Variants in ST3GAL1 observed in about 807,000 individuals in gnomAD.
ST3GAL1 encodes ST3 beta-galactoside alpha-2,3-sialyltransferase 1.
In ST3GAL1, 16 loss-of-function variants were observed where a neutral mutation model predicts 34.1. The observed-to-expected ratio is 0.47, with a 90% CI of 0.32 to 0.71. The LOEUF (loss-of-function observed/expected upper bound fraction) is 0.71, where lower values mean the gene tolerates loss of function less well. ST3GAL1 is among the 30% of genes least tolerant of loss of function. ST3GAL1 has a pLI of 0.04. For missense variants in ST3GAL1, 353 were observed against 447.4 expected (o/e 0.79, Z 1.90); for synonymous variants, 191 against 184.7 (o/e 1.03, Z -0.28).
At chr8:133,463,295 G>A (rs1277692476) in intron 8 of ST3GAL1, 119 bp downstream of exon 8, 1 of 1,127,718 alleles carries the variant, frequency 8.9e-7, no homozygotes, top group African/African-American at 1.5e-5. Flanking sequence ...AGTGGGAGAT[G>A]CTACCTCCAG....
intron 2 of ST3GAL1, among the ~76,000 whole-genome samples, chr8:133,531,260 C>T (rs914656272): frequency 2.0e-5 from 3 of 152,020 alleles, no homozygotes; most frequent in African/African-American, 7.3e-5. Flanking sequence ...AGTACACACA[C>T]ATATATACTC....
intron 3 of ST3GAL1, among the ~76,000 whole-genome samples, chr8:133,478,195 T>C (rs1323314699): frequency 6.6e-6 from 1 of 152,248 alleles, no homozygotes; most frequent in Admixed American, 6.5e-5. Flanking sequence ...GGAGCAGCTC[T>C]GTAATTTAAG....
At chr8:133,554,725 CT>C (rs1184067089) in intron 1 of ST3GAL1, among the ~76,000 whole-genome samples, 1 of 143,532 alleles carries the variant, frequency 7.0e-6, no homozygotes, top group Admixed American at 6.9e-5. Flanking sequence ...TTCTTTATTT[CT>C]TTTCTTTTTT....
rs1563701129 is a variant in ST3GAL1 at position 133,475,595 on chromosome 8, C to T, written c.306+124G>A. 3.4e-6 allele frequency: 4 copies of T among 1,183,994 alleles called. No individual in the cohort carries two copies. The South Asian group carries it at 6.5e-5, about 19-fold the overall frequency. The allele number at this position is 1,183,994 out of a possible 1,614,324, so 73.3% of individuals were successfully genotyped here. A position where few individuals can be genotyped will look rare whatever the true frequency, so the allele number is the denominator to read the frequency against. ...CTCATTACCAGACCCCTACCCTCAG[C>T]CCAGACTCCCACTTTCAGCCCAGGC... On this transcript the variant is annotated intron_variant, in intron 5 of 9. Transcript: ENST00000522652.
At chr8:133,552,398 C>T (rs906378357) in intron 1 of ST3GAL1, among the ~76,000 whole-genome samples, 2 of 152,230 alleles carry the variant, frequency 1.3e-5, no homozygotes, top group Non-Finnish European at 2.9e-5. Context: ...GACCTAGAAA[C>T]ATCTGGTGTG....
At chr8:133,471,666 T>C (rs752777472) in intron 5 of ST3GAL1, among the ~76,000 whole-genome samples, 4 of 152,116 alleles carry the variant, frequency 2.6e-5, no homozygotes, top group Non-Finnish European at 5.9e-5. Context: ...CCTTTGACAG[T>C]GGGTGACCTG....
At chr8:133,489,650 C>G (rs1816727549) in intron 3 of ST3GAL1, 1 of 152,230 alleles carries the variant, frequency 6.6e-6, no homozygotes, top group African/African-American at 2.4e-5. Flanking sequence ...CAGGTCCCAC[C>G]AGGGGGACAC....
chr8:133,554,712 T>C (rs1052540481), intron 1 of ST3GAL1, among the ~76,000 whole-genome samples: 1 of 151,036 alleles, frequency 6.6e-6, no homozygotes, highest in African/African-American at 2.4e-5. Flanking sequence ...GGGGTTTTTT[T>C]ATTTCTTTAT....
In ST3GAL1 at chr8:133,495,787, C is replaced by T. The variant is rs991794705; in HGVS notation, c.-374+3348G>A. On this transcript the variant is annotated intron_variant, in intron 3 of 9. Coordinates refer to ENST00000522652, the MANE Select transcript of ST3GAL1 (RefSeq NM_173344.3). Reference sequence around the variant, plus strand: ...CATCTATATGGGCGTTCTGCCTGCTCGTCATGACACTTAGTGGGTGAAGGG... The same window carrying T: ...CATCTATATGGGCGTTCTGCCTGCTTGTCATGACACTTAGTGGGTGAAGGG... Among the ~76,000 whole-genome samples the T allele has an allele frequency of 5.3e-5, 8 of 152,210 alleles. No homozygotes were observed. The East Asian group carries it at 9.6e-4, about 18-fold the overall frequency.
chr8:133,497,455 A>ATTTTTT lies in ST3GAL1; in HGVS notation c.-374+1679_-374+1680insAAAAAA, dbSNP rs1816988627. Among the ~76,000 whole-genome samples, 7 of 101,242 alleles carry ATTTTTT rather than the reference A, an allele frequency of 6.9e-5. 2 individuals are homozygous for ATTTTTT. The highest frequency in any genetic ancestry group is 1.5e-4 in the African/African-American group (4 of 26,532). 66.4% of individuals were successfully genotyped at this position (101,242 alleles called of 152,430 possible). A position where few individuals can be genotyped will look rare whatever the true frequency, so the allele number is the denominator to read the frequency against. On this transcript the variant is annotated intron_variant, in intron 3 of 9. Coordinates refer to ENST00000522652, the MANE Select transcript of ST3GAL1 (RefSeq NM_173344.3). ...CTTCTCTCCCATGCAATTTTGTTGGAATTTTTTTTTTTTTTTTTTTTTTTT... is the reference window on the plus strand; with the variant it reads ...CTTCTCTCCCATGCAATTTTGTTGGATTTTTTATTTTTTTTTTTTTTTTTTTTTTTT...
chr8:133,479,585 G>A lies in ST3GAL1; in HGVS notation c.-373-2985C>T, dbSNP rs368282316. ...CCCTGAAACAGATGACTGTTGATCC[G>A]TGTTGATCAAACAAGGCTCTGGATG... On this transcript the variant is annotated intron_variant, in intron 3 of 9. Coordinates refer to ENST00000522652, the MANE Select transcript of ST3GAL1 (RefSeq NM_173344.3). Among the ~76,000 whole-genome samples the A allele has an allele frequency of 3.3e-5, 5 of 152,168 alleles. No individual in the cohort carries two copies. The South Asian group carries it at 6.2e-4, about 19-fold the overall frequency.
chr8:133,535,525 A>ATTTTTTTTTTTTTTTTTTT (rs112708766), intron 2 of ST3GAL1, among the ~76,000 whole-genome samples: 4,465 of 143,644 alleles, frequency 0.031, 324 homozygotes, highest in African/African-American at 0.12. Flanking sequence ...GTATTTTTTA[A>ATTTTTTTTTTTTTTTTTTT]TTTTTTTTTT....
chr8:133,463,267 C>T (rs769407183), intron 8 of ST3GAL1, 147 bp downstream of exon 8: 3 of 858,356 alleles, frequency 3.5e-6, no homozygotes, highest in Non-Finnish European at 5.5e-6. Flanking sequence ...TTGACCTCTT[C>T]CCCCAGGGGG....
At chr8:133,470,619 A>G (rs12680630) in intron 5 of ST3GAL1, among the ~76,000 whole-genome samples, 48,480 of 152,038 alleles carry the variant, frequency 0.32, 9,346 homozygotes, top group East Asian at 0.65. Context: ...GCCTCGGGTC[A>G]GCTTCCCTGG....
At chr8:133,499,710 C>T (rs1167677626) in intron 2 of ST3GAL1, among the ~76,000 whole-genome samples, 3 of 152,088 alleles carry the variant, frequency 2.0e-5, no homozygotes, top group African/African-American at 7.2e-5. Context: ...CATGACAGTC[C>T]CTTGGGGTAG....
intron 1 of ST3GAL1, among the ~76,000 whole-genome samples, chr8:133,563,789 A>C (rs1819312898): frequency 6.6e-6 from 1 of 152,182 alleles, no homozygotes; most frequent in Non-Finnish European, 1.5e-5. Context: ...TGAGACATGT[A>C]ACATACAAGC....
chr8:133,495,757 T>C (rs1313475415), intron 3 of ST3GAL1, among the ~76,000 whole-genome samples: 1 of 152,330 alleles, frequency 6.6e-6, no homozygotes, highest in African/African-American at 2.4e-5. Flanking sequence ...CCATAGCATG[T>C]GTGGCATCTA....
intron 3 of ST3GAL1, among the ~76,000 whole-genome samples, chr8:133,479,211 G>A (rs934230552): frequency 6.6e-6 from 1 of 152,136 alleles, no homozygotes; most frequent in South Asian, 2.1e-4. Context: ...TGGACAAGGT[G>A]GCTGGGGTGC....
rs908445315 is a variant in ST3GAL1, at chr8:133,556,589, T to A, written c.-581-10663A>T. Reference sequence around the variant, plus strand: ...AGCTAATGAAGGCTGCATAACTATGTACTTTCGAACAAGATTTTTAGGATG... The same window carrying A: ...AGCTAATGAAGGCTGCATAACTATGAACTTTCGAACAAGATTTTTAGGATG... On this transcript the variant is annotated intron_variant, in intron 1 of 9. Coordinates refer to ENST00000522652, the MANE Select transcript of ST3GAL1 (RefSeq NM_173344.3). This position sits in a 1 kb window ranked among gnomAD's most constrained non-coding sequence, Gnocchi z 8.9. Among the ~76,000 whole-genome samples, 8 of 152,144 alleles carry A rather than the reference T, an allele frequency of 5.3e-5. No individual in the cohort carries two copies. Among genetic ancestry groups the A allele is most frequent in the Non-Finnish European group, 1.5e-5 (1 of 68,040 alleles).
Sources: allele counts gnomAD v4.1 joint callset (sites outside exome capture counted in the v4.1 genomes callset), GRCh38; gene constraint gnomAD v4.1.1; non-coding constraint Gnocchi (gnomAD v3.1); transcripts MANE v1.5; gene names NCBI Gene and HGNC (gene_info 2026-07-23, HGNC 2026-07-21).